R3HDM1: variants seen among roughly 807,000 people sequenced by gnomAD.
The protein encoded by R3HDM1 is R3H domain-containing protein 1.
Under a neutral mutation model 141.1 loss-of-function variants are expected in R3HDM1, and 46 were observed. The ratio of observed to expected loss-of-function variants is 0.33; its 90% CI spans 0.26 to 0.42. R3HDM1 has a LOEUF of 0.42. Ranked by LOEUF, R3HDM1 falls within the 10% of genes least tolerant of loss-of-function variation. The pLI is 1.00. For synonymous variants in R3HDM1, 435 were observed against 472.9 expected, an observed-to-expected ratio of 0.92 and a Z score of 1.04; for missense variants, 1,184 against 1,368.3, an observed-to-expected ratio of 0.87 and a Z score of 2.12.
chr2:135,638,491 G>T, intron 11 of R3HDM1, 127 bp from the exon 12 acceptor site: 3 of 930,214 alleles, frequency 3.2e-6, no homozygotes, highest in Non-Finnish European at 3.2e-6. Flanking sequence ...TTATTTATTT[G>T]TGTACCCTTA....
At chr2:135,563,319 AAAAACTT>A (rs1201605881) in intron 1 of R3HDM1, among the ~76,000 whole-genome samples, 1 of 152,186 alleles carries the variant, frequency 6.6e-6, no homozygotes, top group Admixed American at 6.5e-5. Context: ...TCTTTTTTCT[AAAAACTT>A]TGGTGCATTT....
At chr2:135,542,267 A>G (rs1233518526) in intron 1 of R3HDM1, among the ~76,000 whole-genome samples, 1 of 152,188 alleles carries the variant, frequency 6.6e-6, no homozygotes, top group Non-Finnish European at 1.5e-5. Flanking sequence ...CTAAGGGGGA[A>G]AAGTACCTAT....
intron 1 of R3HDM1, among the ~76,000 whole-genome samples, chr2:135,557,855 A>G (rs1461245765): frequency 6.6e-6 from 1 of 152,218 alleles, no homozygotes; most frequent in Non-Finnish European, 1.5e-5. Context: ...TCAAGAGACA[A>G]AAATAATAGA....
chr2:135,568,350 A>G (rs1052470050), intron 1 of R3HDM1, among the ~76,000 whole-genome samples: 5 of 150,002 alleles, frequency 3.3e-5, no homozygotes, highest in Non-Finnish European at 7.4e-5. Context: ...ACCTGGCCAC[A>G]GTTTTTTTGT....
chr2:135,605,212 C>A (rs2059942263), intron 3 of R3HDM1, 196 bp downstream of exon 3: 2 of 390,040 alleles, frequency 5.1e-6, no homozygotes, highest in Non-Finnish European at 9.1e-6. Flanking sequence ...TAATATACTT[C>A]TTTTTATTTG....
At chr2:135,688,391 G>T (rs2071738217) in intron 21 of R3HDM1, among the ~76,000 whole-genome samples, 1 of 152,172 alleles carries the variant, frequency 6.6e-6, no homozygotes, top group Non-Finnish European at 1.5e-5. Context: ...ATCCGAAATA[G>T]ATGACAAAGT....
At chr2:135,672,546 C>T (rs1238182668) in intron 19 of R3HDM1, among the ~76,000 whole-genome samples, 3 of 152,064 alleles carry the variant, frequency 2.0e-5, no homozygotes, top group East Asian at 3.8e-4. Flanking sequence ...TACTGCTATC[C>T]TCATACGGTA....
chr2:135,636,043 T>A, intron 10 of R3HDM1, 45 bp downstream of exon 10: 1 of 1,610,876 alleles, frequency 6.2e-7, no homozygotes, highest in Non-Finnish European at 8.5e-7. Context: ...CAAGACATAC[T>A]ATACCAGTAG....
chr2:135,622,118 T>G, intron 6 of R3HDM1: 2 of 982,170 alleles, frequency 2.0e-6, no homozygotes, highest in Middle Eastern at 5.2e-4. Context: ...ATAAAGATAC[T>G]ACATTTAAGG....
chr2:135,679,326 C>CTACTT (rs2069808979), intron 20 of R3HDM1, among the ~76,000 whole-genome samples: 1 of 152,046 alleles, frequency 6.6e-6, no homozygotes, highest in Non-Finnish European at 1.5e-5. Context: ...CCTACTATAA[C>CTACTT]TAGATACTTT....
chr2:135,691,149 C>T (rs920227901), intron 21 of R3HDM1, among the ~76,000 whole-genome samples: 2 of 152,180 alleles, frequency 1.3e-5, no homozygotes, highest in African/African-American at 4.8e-5. Flanking sequence ...TTTGAAATTT[C>T]AAGTGTTTGA....
rs1455956110 is a variant in R3HDM1, at chr2:135,600,025, C to T, written c.-249-2475C>T. ...CTCCAACCTGGGTTACAGAGTGAGACCTTGTCTCTAAAAAAAAAAAAAATT... is the reference window on the plus strand; with the variant it reads ...CTCCAACCTGGGTTACAGAGTGAGATCTTGTCTCTAAAAAAAAAAAAAATT... On this transcript the variant is annotated intron_variant, in intron 1 of 26. Coordinates refer to ENST00000683871, the MANE Select transcript of R3HDM1 (RefSeq NM_001378107.1). Among the ~76,000 whole-genome samples, 4 of 148,708 alleles carry T rather than the reference C, an allele frequency of 2.7e-5. No individual in the cohort carries two copies. The East Asian group carries it at 7.8e-4, about 29-fold the overall frequency.
rs549739105 is a variant in R3HDM1 at position 135,646,881 on chromosome 2, T to TA, written c.1623+1367dup. Among the ~76,000 whole-genome samples, 780 of 97,360 alleles carry TA rather than the reference T, an allele frequency of 8.0e-3. 5 individuals are homozygous for TA. Among genetic ancestry groups the TA allele is most frequent in the African/African-American group, 0.043 (669 of 15,628 alleles). The allele number at this position is 97,360 out of a possible 152,430, so 63.9% of individuals were successfully genotyped here. The stretch of plus-strand genomic sequence containing the variant: ...ATTAAATAAATAAGTGAGTATCCCT[T>TA]AAAAAAAAAAAAAGAAGAAGTATGA... On this transcript the variant is annotated intron_variant, in intron 16 of 26. Coordinates refer to ENST00000683871, the MANE Select transcript of R3HDM1 (RefSeq NM_001378107.1).
intron 1 of R3HDM1, among the ~76,000 whole-genome samples, chr2:135,539,791 G>A (rs1697076287): frequency 6.6e-6 from 1 of 152,172 alleles, no homozygotes; most frequent in South Asian, 2.1e-4. Flanking sequence ...GCCTTCAGCA[G>A]GTTGTAATCT....
chr2:135,620,779 C>T (rs557544246), intron 5 of R3HDM1: 11 of 400,624 alleles, frequency 2.7e-5, no homozygotes, highest in Non-Finnish European at 3.7e-5. Flanking sequence ...TCTAGTAATC[C>T]CTTTGGGTTC....
intron 18 of R3HDM1, among the ~76,000 whole-genome samples, chr2:135,652,733 G>A (rs542442919): frequency 2.2e-4 from 33 of 152,218 alleles, no homozygotes; most frequent in Admixed American, 7.2e-4. Context: ...CTTCTCGCAT[G>A]TTTGCCAGAA....
chr2:135,572,102 C>A lies in R3HDM1; in HGVS notation c.-249-30398C>A, dbSNP rs569243116. ...TCTCCCAGGTGGCTGGGATTACAGGCACACACCACCACGCCCAGCTAATTT... is the reference window on the plus strand; with the variant it reads ...TCTCCCAGGTGGCTGGGATTACAGGAACACACCACCACGCCCAGCTAATTT... On this transcript the variant is annotated intron_variant, in intron 1 of 26. Transcript: ENST00000683871. 8.5e-5 allele frequency among the ~76,000 whole-genome samples: 13 copies of A among 152,238 alleles called. No individual in the cohort carries two copies. In the South Asian group the frequency reaches 2.7e-3, roughly 32 times the overall value.
rs2076997056 is a variant in R3HDM1, at chr2:135,724,422, G to T, written c.*130G>T. The T allele has an allele frequency of 2.9e-6, 2 of 693,054 alleles. No homozygotes were observed. Among genetic ancestry groups the T allele is most frequent in the Non-Finnish European group, 4.6e-6 (2 of 436,024 alleles). 42.9% of individuals were successfully genotyped at this position (693,054 alleles called of 1,614,324 possible). On this transcript the variant is annotated 3_prime_UTR_variant, in exon 27 of 27. Coordinates refer to ENST00000683871, the MANE Select transcript of R3HDM1 (RefSeq NM_001378107.1). ...GTGTGTTCATGGCATTATAGCTTTTGAAGAAAGGCCAGTGATCCAGCAAAG... is the reference window on the plus strand; with the variant it reads ...GTGTGTTCATGGCATTATAGCTTTTTAAGAAAGGCCAGTGATCCAGCAAAG...
intron 23 of R3HDM1, among the ~76,000 whole-genome samples, chr2:135,713,201 C>CA (rs1350289184): frequency 6.6e-6 from 1 of 150,436 alleles, no homozygotes; most frequent in African/African-American, 2.4e-5. Flanking sequence ...GACCCTGTCT[C>CA]AAAAAAAACA....
Sources: gnomAD v4.1 joint callset for allele counts (sites outside exome capture counted in the v4.1 genomes callset) on GRCh38, gnomAD v4.1.1 for gene constraint, MANE v1.5 for transcripts, NCBI Gene and HGNC (gene_info 2026-07-23, HGNC 2026-07-21) for gene names.